Variants in HDAC9 observed in about 807,000 individuals in gnomAD.
HDAC9 encodes the protein MEF-2 interacting transcription repressor (MITR) protein.
HDAC9 carries 41 observed loss-of-function variants against 139.4 expected under a neutral mutation model. The observed-to-expected ratio is 0.29, with a 90% CI of 0.23 to 0.38. The LOEUF is 0.38. HDAC9 is among the 10% of genes least tolerant of loss of function. The pLI, the probability that HDAC9 is intolerant of heterozygous loss-of-function variation, is 1.00. For synonymous variants in HDAC9, 517 were observed against 476.2 expected (o/e 1.09, Z -1.12); for missense variants, 1,147 against 1,297.0 (o/e 0.88, Z 1.78).
chr7:18,988,402 G>C (rs1421743417), intron 25 of HDAC9, among the ~76,000 whole-genome samples: 20 of 151,932 alleles, frequency 1.3e-4, no homozygotes, highest in African/African-American at 4.8e-4. Flanking sequence ...CTGAGTTCTA[G>C]TTTGATTGCA....
At chr7:18,486,055 C>T (rs138569591) in intron 1 of HDAC9, among the ~76,000 whole-genome samples, 3 of 152,092 alleles carry the variant, frequency 2.0e-5, no homozygotes, top group East Asian at 1.9e-4. Context: ...TTCATCATCC[C>T]GTGGTGGAAG....
intron 1 of HDAC9, among the ~76,000 whole-genome samples, chr7:18,456,552 CTTATATATACT>C (rs1793370160): frequency 6.6e-6 from 1 of 151,998 alleles, no homozygotes; most frequent in Non-Finnish European, 1.5e-5. Flanking sequence ...AGTTTTTGAG[CTTATATATACT>C]CACCACTTTC....
chr7:18,271,458 A>C (rs2128213714), intron 2 of HDAC9, among the ~76,000 whole-genome samples: 1 of 152,272 alleles, frequency 6.6e-6, no homozygotes, highest in East Asian at 1.9e-4. Flanking sequence ...GAACAGCCCA[A>C]GTGGTATATG....
At chr7:18,581,002 A>G (rs1037399557) in intron 2 of HDAC9, among the ~76,000 whole-genome samples, 2 of 152,178 alleles carry the variant, frequency 1.3e-5, no homozygotes, top group Non-Finnish European at 1.5e-5. Context: ...AATGCAATTA[A>G]TGTTAAAAAT....
intron 25 of HDAC9, among the ~76,000 whole-genome samples, chr7:18,991,416 A>ATG (rs1785938061): frequency 1.3e-5 from 2 of 152,086 alleles, no homozygotes; most frequent in Non-Finnish European, 2.9e-5. Context: ...CGAGGCGGGC[A>ATG]GATCACGAGG....
chr7:18,667,496 T>G (rs1216571243), intron 12 of HDAC9: 2 of 984,504 alleles, frequency 2.0e-6, no homozygotes, highest in Non-Finnish European at 2.4e-6. Flanking sequence ...TTTACTTGTA[T>G]ATAATGCACC....
chr7:18,304,957 C>T (rs972029120), intron 1 of HDAC9, among the ~76,000 whole-genome samples: 2 of 151,310 alleles, frequency 1.3e-5, no homozygotes, highest in African/African-American at 2.4e-5. Context: ...ATCCAGATGC[C>T]ATGGTCCCTG....
rs78831348 is a variant in HDAC9, at chr7:18,969,349, T to G, written c.3023-6457T>G. Among the ~76,000 whole-genome samples the G allele has an allele frequency of 3.2e-3, 482 of 152,306 alleles. 12 individuals are homozygous for G. In the East Asian group the frequency reaches 0.055, roughly 17 times the overall value. On this transcript the variant is annotated intron_variant, in intron 24 of 25. Transcript: ENST00000686413. The stretch of plus-strand genomic sequence containing the variant: ...AATTAGCCTTACATTAAAGGCTACA[T>G]TTTAGCCATCCTAACACAGTGTACA...
chr7:18,098,896 A>G (rs772736518), intron 1 of HDAC9, among the ~76,000 whole-genome samples: 9 of 152,164 alleles, frequency 5.9e-5, no homozygotes, highest in African/African-American at 2.2e-4. Flanking sequence ...ATGCCTCTCT[A>G]TGGTGAGAAG....
chr7:18,630,231 AG>A (rs1781912022), intron 7 of HDAC9, among the ~76,000 whole-genome samples: 2 of 152,186 alleles, frequency 1.3e-5, no homozygotes, highest in South Asian at 4.1e-4. Context: ...ACTTAGAGTC[AG>A]GTACTGTATC....
At chr7:18,496,092 A>G (rs182467010) in intron 1 of HDAC9, 69 bp downstream of exon 1, 3 of 1,414,634 alleles carry the variant, frequency 2.1e-6, no homozygotes, top group Non-Finnish European at 2.8e-6. Context: ...AAAGGAAATC[A>G]TTGTCGAAGT....
chr7:18,938,867 A>C (rs1781836369), intron 23 of HDAC9, among the ~76,000 whole-genome samples: 1 of 152,240 alleles, frequency 6.6e-6, no homozygotes, highest in Admixed American at 6.5e-5. Context: ...AATGACAATG[A>C]TGTCACCTGA....
intron 22 of HDAC9, among the ~76,000 whole-genome samples, chr7:18,876,329 C>T (rs1177470662): frequency 2.6e-5 from 4 of 152,126 alleles, no homozygotes; most frequent in Admixed American, 2.0e-4. Context: ...CCCCTCCCCT[C>T]GTTCCCAGTC....
At chr7:18,130,955 C>A (rs899510563) in intron 1 of HDAC9, among the ~76,000 whole-genome samples, 1 of 152,054 alleles carries the variant, frequency 6.6e-6, no homozygotes, top group Non-Finnish European at 1.5e-5. Context: ...TAAATGAAGT[C>A]ATAAAATTTA....
chr7:18,641,951 T>C lies in HDAC9; in HGVS notation c.913-2720T>C, dbSNP rs563605171. Among the ~76,000 whole-genome samples the C allele has an allele frequency of 2.0e-5, 3 of 152,204 alleles. No homozygotes were observed. In the East Asian group the frequency reaches 5.8e-4, roughly 30 times the overall value. On this transcript the variant is annotated intron_variant, in intron 8 of 25. Transcript: ENST00000686413. ...GACTGCTCCGATCAAAAAGCATAGTTGAGGAAAGCTGTATTTAAAGAAAAT... is the reference window on the plus strand; with the variant it reads ...GACTGCTCCGATCAAAAAGCATAGTCGAGGAAAGCTGTATTTAAAGAAAAT...
At chr7:18,827,242 A>G (rs1043894776) in intron 17 of HDAC9, among the ~76,000 whole-genome samples, 7 of 152,264 alleles carry the variant, frequency 4.6e-5, no homozygotes, top group Admixed American at 4.6e-4. Context: ...TATTTATAAC[A>G]AAATGTTAAA....
chr7:18,114,273 C>T (rs1286083195), intron 1 of HDAC9, among the ~76,000 whole-genome samples: 1 of 152,200 alleles, frequency 6.6e-6, no homozygotes, highest in Non-Finnish European at 1.5e-5. Flanking sequence ...GAGAGACATC[C>T]TTAGCGGAAT....
chr7:18,931,362 T>C (rs1314343131), intron 22 of HDAC9, among the ~76,000 whole-genome samples: 1 of 152,168 alleles, frequency 6.6e-6, no homozygotes, highest in African/African-American at 2.4e-5. Flanking sequence ...AAGATTCTTA[T>C]CGGCATCATA....
chr7:18,972,261 A>C lies in HDAC9; in HGVS notation c.3023-3545A>C, dbSNP rs189089467. 2.8e-3 allele frequency among the ~76,000 whole-genome samples: 418 copies of C among 151,760 alleles called. 3 individuals carry two copies. The highest frequency in any genetic ancestry group is 9.6e-3 in the African/African-American group (397 of 41,380). Reference sequence around the variant, plus strand: ...AGCATTAAGCCTACCACTATTATTTATAAATGTGGAAGTTGTGCTCCATTG... The same window carrying C: ...AGCATTAAGCCTACCACTATTATTTCTAAATGTGGAAGTTGTGCTCCATTG... On this transcript the variant is annotated intron_variant, in intron 24 of 25. Coordinates refer to ENST00000686413, the MANE Select transcript of HDAC9 (RefSeq NM_178425.4).
Sources: gnomAD v4.1 joint callset for allele counts (sites outside exome capture counted in the v4.1 genomes callset) on GRCh38, gnomAD v4.1.1 for gene constraint, MANE v1.5 for transcripts, NCBI Gene and HGNC (gene_info 2026-07-23, HGNC 2026-07-21) for gene names.